MAGI1: variants seen among roughly 807,000 people sequenced by gnomAD.
MAGI1 encodes membrane associated guanylate kinase, WW and PDZ domain containing 1, also known as membrane-associated guanylate kinase, WW and PDZ domain-containing protein 1.
MAGI1 carries 58 observed loss-of-function variants against 139.9 expected under a neutral mutation model. The ratio of observed to expected loss-of-function variants is 0.41; its 90% CI spans 0.34 to 0.52. MAGI1 has a LOEUF of 0.52. MAGI1 is among the 20% of genes least tolerant of loss of function. MAGI1 has a pLI of 0.12. For missense variants in MAGI1, 1,874 were observed against 1,901.6 expected, an observed-to-expected ratio of 0.99 and a Z score of 0.27; for synonymous variants, 812 against 737.9, an observed-to-expected ratio of 1.10 and a Z score of -1.63.
At chr3:66,011,410 C>T (rs974388557) in intron 1 of MAGI1, among the ~76,000 whole-genome samples, 1 of 152,108 alleles carries the variant, frequency 6.6e-6, no homozygotes, top group African/African-American at 2.4e-5. Flanking sequence ...GAAGGTGGTG[C>T]TTATTAAGCC....
chr3:65,606,175 G>A (rs1005146383), intron 2 of MAGI1, among the ~76,000 whole-genome samples: 1 of 152,044 alleles, frequency 6.6e-6, no homozygotes, highest in Non-Finnish European at 1.5e-5. Context: ...GCAAAACCTC[G>A]GGTAGGAACT....
chr3:65,862,029 T>C (rs2108446390), intron 1 of MAGI1, among the ~76,000 whole-genome samples: 2 of 152,094 alleles, frequency 1.3e-5, no homozygotes, highest in Middle Eastern at 6.8e-3. Context: ...AGAACTGACA[T>C]CTTATTTATC....
intron 1 of MAGI1, among the ~76,000 whole-genome samples, chr3:65,668,926 T>A (rs1196333547): frequency 6.6e-6 from 1 of 151,922 alleles, no homozygotes; most frequent in Non-Finnish European, 1.5e-5. Flanking sequence ...TTTTACATTA[T>A]CTTTATTTAT....
At chr3:65,882,934 C>CA (rs10574443) in intron 1 of MAGI1, among the ~76,000 whole-genome samples, 1,363 of 86,564 alleles carry the variant, frequency 0.016, 10 homozygotes, top group Middle Eastern at 0.051. Context: ...GACCCTGTCT[C>CA]AAAAAAAAAA....
rs2035641723 is a variant in MAGI1 at position 65,745,687 on chromosome 3, T to G, written c.314-123599A>C. 2.6e-5 allele frequency among the ~76,000 whole-genome samples: 4 copies of G among 152,356 alleles called. No homozygotes were observed. In the South Asian group the frequency reaches 8.3e-4, roughly 32 times the overall value. The stretch of plus-strand genomic sequence containing the variant: ...CATATGTTTAATCAATTATTTCTTT[T>G]TCTCATTGCAAGGTGCCTACGGCAA... On this transcript the variant is annotated intron_variant, in intron 1 of 22. Coordinates refer to ENST00000402939, the MANE Select transcript of MAGI1 (RefSeq NM_001033057.2).
intron 1 of MAGI1, among the ~76,000 whole-genome samples, chr3:65,991,504 G>A (rs2066173155): frequency 6.6e-6 from 1 of 151,992 alleles, no homozygotes; most frequent in South Asian, 2.1e-4. Flanking sequence ...AGAACCAGAC[G>A]TCGCTTTTTC....
At chr3:65,485,524 G>C (rs1408837400) in intron 3 of MAGI1, among the ~76,000 whole-genome samples, 1 of 152,116 alleles carries the variant, frequency 6.6e-6, no homozygotes, top group Non-Finnish European at 1.5e-5. Context: ...TGTGTATAAA[G>C]CACCCAGCAC....
rs1940496649 is a variant in MAGI1, at chr3:65,358,973, AT to A, written c.3635-1842del. ...AAAGAACGCAGGGTGCTCAGAATGA[AT>A]TGCCAAACATATCAAAACAGAGCTA... On this transcript the variant is annotated intron_variant, in intron 22 of 22. Transcript: ENST00000402939. 3 of 1,168,824 alleles carry A rather than the reference AT, an allele frequency of 2.6e-6. No individual in the cohort carries two copies. The South Asian group carries it at 3.7e-5, about 14-fold the overall frequency. The allele number at this position is 1,168,824 out of a possible 1,614,324, so 72.4% of individuals were successfully genotyped here.
At chr3:65,549,478 G>A (rs2079708553) in intron 2 of MAGI1, 1 of 985,206 alleles carries the variant, frequency 1.0e-6, no homozygotes, top group Non-Finnish European at 1.2e-6. Context: ...CTCGGTGGCC[G>A]CCCGCCTCAT....
chr3:65,543,767 C>G (rs895647311), intron 2 of MAGI1, among the ~76,000 whole-genome samples: 5 of 151,368 alleles, frequency 3.3e-5, no homozygotes, highest in East Asian at 1.9e-4. Context: ...GGGGGGGGTA[C>G]AAGAGGGATA....
intron 1 of MAGI1, among the ~76,000 whole-genome samples, chr3:65,805,440 A>C (rs553870964): frequency 2.4e-4 from 36 of 152,302 alleles, no homozygotes; most frequent in African/African-American, 8.2e-4. Flanking sequence ...AAGAAACAAG[A>C]GACGCTGGCG....
intron 1 of MAGI1, among the ~76,000 whole-genome samples, chr3:65,640,439 T>C (rs1385234091): frequency 6.6e-6 from 1 of 152,174 alleles, no homozygotes; most frequent in Non-Finnish European, 1.5e-5. Flanking sequence ...CTGATACTTA[T>C]CTTGCTCTCA....
intron 2 of MAGI1, among the ~76,000 whole-genome samples, chr3:65,619,321 T>A (rs535540340): frequency 2.0e-5 from 3 of 152,256 alleles, no homozygotes; most frequent in Admixed American, 1.3e-4. Context: ...GAGCCGTAAG[T>A]GGTAAAGTGT....
chr3:65,614,384 T>A (rs561657625), intron 2 of MAGI1, among the ~76,000 whole-genome samples: 2 of 152,294 alleles, frequency 1.3e-5, no homozygotes, highest in African/African-American at 4.8e-5. Context: ...GAAATCAAAC[T>A]CAGCTCTGTA....
intron 1 of MAGI1, among the ~76,000 whole-genome samples, chr3:65,701,472 C>T (rs1366614438): frequency 6.6e-6 from 1 of 152,110 alleles, no homozygotes; most frequent in Non-Finnish European, 1.5e-5. Context: ...AGGCTGGTCT[C>T]GAACTCCTGA....
intron 1 of MAGI1, among the ~76,000 whole-genome samples, chr3:65,912,978 C>T (rs1246764995): frequency 6.6e-6 from 1 of 152,072 alleles, no homozygotes; most frequent in Non-Finnish European, 1.5e-5. Flanking sequence ...TTAAATACTA[C>T]CAAGCCATAA....
chr3:65,936,475 T>TA (rs1416155758), intron 1 of MAGI1, among the ~76,000 whole-genome samples: 3 of 151,198 alleles, frequency 2.0e-5, no homozygotes, highest in Non-Finnish European at 4.4e-5. Flanking sequence ...CCGTCTCTAC[T>TA]AAAAATACAA....
chr3:65,550,365 C>T (rs1474662025), intron 2 of MAGI1, among the ~76,000 whole-genome samples: 1 of 152,154 alleles, frequency 6.6e-6, no homozygotes, highest in Non-Finnish European at 1.5e-5. Flanking sequence ...TCTCTCCATG[C>T]TACTGTTTTT....
chr3:65,693,284 A>G (rs1216014359), intron 1 of MAGI1, among the ~76,000 whole-genome samples: 7 of 152,132 alleles, frequency 4.6e-5, no homozygotes, highest in Non-Finnish European at 1.0e-4. Context: ...ACCCAGTCTC[A>G]GGGATTCAGT....
Sources: gnomAD v4.1 joint callset for allele counts (sites outside exome capture counted in the v4.1 genomes callset) on GRCh38, gnomAD v4.1.1 for gene constraint, MANE v1.5 for transcripts, NCBI Gene and HGNC (gene_info 2026-07-23, HGNC 2026-07-21) for gene names.